The following GABRB1 variants were observed in gnomAD, a reference collection of about 807,000 sequenced individuals.
GABRB1 encodes gamma-aminobutyric acid receptor subunit beta-1.
Under a neutral mutation model 51.6 loss-of-function variants are expected in GABRB1, and 17 were observed. The ratio of observed to expected loss-of-function variants is 0.33; its 90% CI spans 0.23 to 0.49. The LOEUF (loss-of-function observed/expected upper bound fraction) is 0.49, where lower values mean the gene tolerates loss of function less well. Ranked by LOEUF, GABRB1 falls within the 20% of genes least tolerant of loss-of-function variation. The pLI is 0.99. For missense variants in GABRB1, 410 were observed against 600.6 expected, an observed-to-expected ratio of 0.68 and a Z score of 3.32; for synonymous variants, 247 against 218.9, an observed-to-expected ratio of 1.13 and a Z score of -1.14.
Position 47,079,713 on chromosome 4 carries a change from T to C in GABRB1, c.240+47229T>C, listed in dbSNP as rs187055660. Among the ~76,000 whole-genome samples the C allele has an allele frequency of 6.4e-4, 97 of 151,650 alleles. 1 individual carries two copies. Among genetic ancestry groups the C allele is most frequent in the African/African-American group, 2.0e-3 (83 of 41,348 alleles). Reference sequence around the variant, plus strand: ...GTCCTTTGTAGGGACATGGATGAAGTTGGAAACCATCATTCTCAGCAAACT... The same window carrying C: ...GTCCTTTGTAGGGACATGGATGAAGCTGGAAACCATCATTCTCAGCAAACT... On this transcript the variant is annotated intron_variant, in intron 3 of 8. Coordinates refer to ENST00000295454, the MANE Select transcript of GABRB1 (RefSeq NM_000812.4).
chr4:47,170,837 G>A (rs962722005), intron 4 of GABRB1, among the ~76,000 whole-genome samples: 3 of 152,238 alleles, frequency 2.0e-5, no homozygotes, highest in Admixed American at 6.5e-5. Flanking sequence ...AAAGGACACA[G>A]TGTTGATATT....
At chr4:47,182,945 T>C (rs576779720) in intron 4 of GABRB1, among the ~76,000 whole-genome samples, 1 of 152,010 alleles carries the variant, frequency 6.6e-6, no homozygotes, top group East Asian at 1.9e-4. Context: ...CATATGCCAA[T>C]TGTTTATTTA....
intron 4 of GABRB1, among the ~76,000 whole-genome samples, chr4:47,264,376 A>T (rs1722567000): frequency 6.6e-6 from 1 of 152,234 alleles, no homozygotes; most frequent in African/African-American, 2.4e-5. Flanking sequence ...GTTATGGGGC[A>T]ATGGTGAAGC....
At chr4:47,296,239 A>G (rs1487938343) in intron 4 of GABRB1, among the ~76,000 whole-genome samples, 2 of 152,196 alleles carry the variant, frequency 1.3e-5, no homozygotes, top group Admixed American at 1.3e-4. Context: ...TAATGACAGG[A>G]TCAAATTCAC....
intron 5 of GABRB1, among the ~76,000 whole-genome samples, chr4:47,348,466 A>G (rs1437177170): frequency 6.6e-6 from 1 of 152,202 alleles, no homozygotes; most frequent in East Asian, 1.9e-4. Context: ...AATATTGCAT[A>G]AAATTACCTC....
chr4:47,345,238 G>A (rs1050202679), intron 5 of GABRB1, among the ~76,000 whole-genome samples: 3 of 152,160 alleles, frequency 2.0e-5, no homozygotes, highest in African/African-American at 4.8e-5. Context: ...CTTATAGGCT[G>A]GGTGGGCCCT....
chr4:47,157,710 G>A (rs1453162485), intron 3 of GABRB1, among the ~76,000 whole-genome samples: 1 of 151,872 alleles, frequency 6.6e-6, no homozygotes, highest in African/African-American at 2.4e-5. Context: ...AGGAGAAATT[G>A]GTGTATTTTA....
intron 3 of GABRB1, among the ~76,000 whole-genome samples, chr4:47,092,520 A>G (rs1319912383): frequency 6.6e-6 from 1 of 151,810 alleles, no homozygotes; most frequent in Non-Finnish European, 1.5e-5. Flanking sequence ...GAATTTAATA[A>G]ACACTTTTTG....
chr4:47,144,018 G>T (rs1717047924), intron 3 of GABRB1, among the ~76,000 whole-genome samples: 1 of 151,872 alleles, frequency 6.6e-6, no homozygotes. Flanking sequence ...GATGGTATTT[G>T]ATATGTATTT....
intron 8 of GABRB1, among the ~76,000 whole-genome samples, chr4:47,411,045 C>A (rs543014447): frequency 6.6e-6 from 1 of 152,142 alleles, no homozygotes; most frequent in South Asian, 2.1e-4. Flanking sequence ...GTGCATCATT[C>A]AAAATATCCA....
intron 5 of GABRB1, among the ~76,000 whole-genome samples, chr4:47,340,762 T>C (rs1043022387): frequency 2.0e-5 from 3 of 152,100 alleles, no homozygotes; most frequent in African/African-American, 7.2e-5. Flanking sequence ...CAGGTAACAA[T>C]ACATCTCTTT....
chr4:47,334,913 T>C (rs1725638486), intron 5 of GABRB1, among the ~76,000 whole-genome samples: 1 of 152,220 alleles, frequency 6.6e-6, no homozygotes, highest in South Asian at 2.1e-4. Flanking sequence ...AAAGGACTTG[T>C]TCTCTGATCT....
intron 1 of GABRB1, among the ~76,000 whole-genome samples, chr4:47,001,514 T>C (rs557430925): frequency 7.7e-4 from 118 of 152,330 alleles, no homozygotes; most frequent in South Asian, 6.4e-3. Flanking sequence ...AGACTTTGAG[T>C]AAAACAGATT....
At chr4:47,087,452 C>A (rs1728124052) in intron 3 of GABRB1, among the ~76,000 whole-genome samples, 1 of 152,090 alleles carries the variant, frequency 6.6e-6, no homozygotes, top group Non-Finnish European at 1.5e-5. Context: ...GCCTGCAGAG[C>A]CACTAACCCA....
At position 47,243,459 on chromosome 4, in the gene GABRB1, T is replaced by C. The variant is rs558799333; in HGVS notation, c.462-76668T>C. On this transcript the variant is annotated intron_variant, in intron 4 of 8. Coordinates refer to ENST00000295454, the MANE Select transcript of GABRB1 (RefSeq NM_000812.4). ...GTAGCTTGATGGGAATGGCATTGAA[T>C]CTATAAATTACCTTGGGCAGTATGG... is the stretch of plus-strand genomic sequence containing the variant. 6.6e-5 allele frequency among the ~76,000 whole-genome samples: 10 copies of C among 152,324 alleles called. No homozygotes were observed. In the East Asian group the frequency reaches 1.9e-3, roughly 29 times the overall value.
intron 5 of GABRB1, among the ~76,000 whole-genome samples, chr4:47,367,115 TC>T (rs1727008445): frequency 6.6e-6 from 1 of 152,154 alleles, no homozygotes; most frequent in South Asian, 2.1e-4. Flanking sequence ...TATCCTCCTC[TC>T]TGCTTATCTG....
chr4:47,327,438 T>C (rs1263904784), intron 5 of GABRB1, among the ~76,000 whole-genome samples: 1 of 152,194 alleles, frequency 6.6e-6, no homozygotes, highest in Non-Finnish European at 1.5e-5. Flanking sequence ...GATCTAACAT[T>C]TATATTACTT....
chr4:47,227,447 G>C (rs1391389072), intron 4 of GABRB1, among the ~76,000 whole-genome samples: 1 of 152,114 alleles, frequency 6.6e-6, no homozygotes, highest in East Asian at 1.9e-4. Context: ...TTTGCATGCA[G>C]GAAGTTTATT....
At chr4:47,050,771 A>G (rs1046487261) in intron 3 of GABRB1, among the ~76,000 whole-genome samples, 20 of 152,190 alleles carry the variant, frequency 1.3e-4, no homozygotes, top group Non-Finnish European at 2.5e-4. Flanking sequence ...CACATAAATA[A>G]GAGAAAAACT....
Sources: gnomAD v4.1 joint callset for allele counts (sites outside exome capture counted in the v4.1 genomes callset) on GRCh38, gnomAD v4.1.1 for gene constraint, MANE v1.5 for transcripts, NCBI Gene and HGNC (gene_info 2026-07-23, HGNC 2026-07-21) for gene names.